Variants in ZNF483 observed in about 807,000 individuals in gnomAD.
The protein encoded by ZNF483 is zinc finger protein 483.
A neutral mutation model predicts 28.6 loss-of-function variants in ZNF483; 9 were observed. The ratio of observed to expected loss-of-function variants is 0.32; its 90% CI spans 0.19 to 0.55. The LOEUF is 0.55. Ranked by LOEUF, ZNF483 falls within the 20% of genes least tolerant of loss-of-function variation. The pLI is 0.93. For missense variants in ZNF483, 675 were observed against 871.7 expected, an observed-to-expected ratio of 0.77 and a Z score of 2.84; for synonymous variants, 322 against 306.2, an observed-to-expected ratio of 1.05 and a Z score of -0.54.
Position 111,548,531 on chromosome 9 carries a change from T to C in ZNF483, c.*5361T>C, listed in dbSNP as rs1827855827. Reference sequence around the variant, plus strand: ...TTGTGAAATTTTTGGGATTTTTAAATATAAGATTATGGCATCTGCAAATAG... The same window carrying C: ...TTGTGAAATTTTTGGGATTTTTAAACATAAGATTATGGCATCTGCAAATAG... On this transcript the variant is annotated 3_prime_UTR_variant, in exon 6 of 6. Transcript: ENST00000309235. 6.6e-6 allele frequency among the ~76,000 whole-genome samples: 1 copy of C among 152,234 alleles called. No individual in the cohort carries two copies. Among genetic ancestry groups the C allele is most frequent in the African/African-American group, 2.4e-5 (1 of 41,470 alleles).
At chr9:111,531,237 T>C (rs1368364565) in intron 3 of ZNF483, among the ~76,000 whole-genome samples, 1 of 152,118 alleles carries the variant, frequency 6.6e-6, no homozygotes, top group Non-Finnish European at 1.5e-5. Context: ...TTCAAGGAAC[T>C]GACGCCTCAT....
At chr9:111,540,518 G>A (rs1827646925) in intron 5 of ZNF483, among the ~76,000 whole-genome samples, 1 of 152,148 alleles carries the variant, frequency 6.6e-6, no homozygotes, top group South Asian at 2.1e-4. Context: ...AGGCCCTGTT[G>A]AATTTATGTT....
chr9:111,540,639 G>A (rs1252368556), intron 5 of ZNF483, among the ~76,000 whole-genome samples: 4 of 152,226 alleles, frequency 2.6e-5, no homozygotes, highest in Non-Finnish European at 5.9e-5. Flanking sequence ...ATGGATGCCT[G>A]ATTAGTGTAT....
chr9:111,537,638 T>C (rs1827550248), intron 5 of ZNF483, among the ~76,000 whole-genome samples: 1 of 152,006 alleles, frequency 6.6e-6, no homozygotes, highest in South Asian at 2.1e-4. Flanking sequence ...ATTATTATTA[T>C]TATTTTGTGA....
intron 2 of ZNF483, among the ~76,000 whole-genome samples, chr9:111,528,244 A>G (rs1827229055): frequency 6.6e-6 from 1 of 152,138 alleles, no homozygotes; most frequent in South Asian, 2.1e-4. Context: ...TGCTGATGGA[A>G]ATGTTTCTGC....
rs4979004 is a variant in ZNF483 at position 111,546,831 on chromosome 9, G to A, written c.*3661G>A. On this transcript the variant is annotated 3_prime_UTR_variant, in exon 6 of 6. Coordinates refer to ENST00000309235, the MANE Select transcript of ZNF483 (RefSeq NM_133464.5). Reference sequence around the variant, plus strand: ...ACTGAAACTCTGTACTCCTTAAACAGTAACTCCCCATTTTCTCCTCCTCAG... The same window carrying A: ...ACTGAAACTCTGTACTCCTTAAACAATAACTCCCCATTTTCTCCTCCTCAG... Among the ~76,000 whole-genome samples, 85,860 of 151,848 alleles carry A rather than the reference G, an allele frequency of 0.57. 24,993 individuals are homozygous for A. Among genetic ancestry groups the A allele is most frequent in the Non-Finnish European group, 0.65 (44,108 of 67,900 alleles).
At chr9:111,533,065 G>A (rs1165373959) in intron 3 of ZNF483, among the ~76,000 whole-genome samples, 1 of 152,194 alleles carries the variant, frequency 6.6e-6, no homozygotes, top group African/African-American at 2.4e-5. Context: ...GTTAAAATTT[G>A]GAATGTAGTT....
At chr9:111,539,389 G>A (rs1827610214) in intron 5 of ZNF483, 2 of 455,510 alleles carry the variant, frequency 4.4e-6, no homozygotes, top group South Asian at 1.6e-5. Flanking sequence ...ATTTAAAGCA[G>A]TATAACCTTT....
intron 2 of ZNF483, among the ~76,000 whole-genome samples, chr9:111,528,717 C>G (rs578167902): frequency 6.6e-6 from 1 of 152,154 alleles, no homozygotes; most frequent in Non-Finnish European, 1.5e-5. Context: ...GTATTTACCT[C>G]CATACACTTA....
chr9:111,532,922 GA>G (rs1224424862), intron 3 of ZNF483, among the ~76,000 whole-genome samples: 2 of 150,370 alleles, frequency 1.3e-5, no homozygotes, highest in Non-Finnish European at 3.0e-5. Flanking sequence ...AAAAAAAAAA[GA>G]AAAAAAAGGA....
In ZNF483 at chr9:111,554,873, G is replaced by T. The variant is rs1333495815; in HGVS notation, c.*11703G>T. 6.6e-6 allele frequency among the ~76,000 whole-genome samples: 1 copy of T among 152,190 alleles called. No homozygotes were observed. Among genetic ancestry groups the T allele is most frequent in the Non-Finnish European group, 1.5e-5 (1 of 68,026 alleles). On this transcript the variant is annotated 3_prime_UTR_variant, in exon 6 of 6. Coordinates refer to ENST00000309235, the MANE Select transcript of ZNF483 (RefSeq NM_133464.5). ...TCTAATCTGCTCAGGGTCTACAACT[G>T]AAGTCCAGGGTCTTTGAGTTAGATG... is the stretch of plus-strand genomic sequence containing the variant.
At chr9:111,559,670 C>A (rs1358996718), downstream of ZNF483, among the ~76,000 whole-genome samples, 1 of 151,932 alleles carries the variant, frequency 6.6e-6, no homozygotes, top group Non-Finnish European at 1.5e-5. Flanking sequence ...CAGCTCTGGG[C>A]TTTGACTCCC....
At position 111,544,025 on chromosome 9, in the gene ZNF483, A is replaced by G; in HGVS notation, c.*855A>G. 4.1e-6 allele frequency: 4 copies of G among 985,412 alleles called. No individual in the cohort carries two copies. The highest frequency in any genetic ancestry group is 4.8e-6 in the Non-Finnish European group (4 of 829,932). The allele number at this position is 985,412 out of a possible 1,614,324, so 61.0% of individuals were successfully genotyped here. On this transcript the variant is annotated 3_prime_UTR_variant, in exon 6 of 6. Transcript: ENST00000309235. ...AACTAGGAATGGGTCAGTGAAGTTCAAACGACTTTTCCTTGAGGGAGTATT... is the reference window on the plus strand; with the variant it reads ...AACTAGGAATGGGTCAGTGAAGTTCGAACGACTTTTCCTTGAGGGAGTATT...
chr9:111,529,552 A>C (rs1005805393), intron 2 of ZNF483, among the ~76,000 whole-genome samples: 3 of 152,058 alleles, frequency 2.0e-5, no homozygotes, highest in African/African-American at 4.8e-5. Context: ...GGTTTGAGCA[A>C]CTCTTGAGCA....
At chr9:111,563,356 C>A in intron 5 of ZNF483, 1 of 966,664 alleles carries the variant, frequency 1.0e-6, no homozygotes. Flanking sequence ...GATGGAAGTC[C>A]TGTCCTCCAT....
intron 5 of ZNF483, among the ~76,000 whole-genome samples, chr9:111,540,896 C>A (rs189859262): frequency 1.3e-5 from 2 of 152,266 alleles, no homozygotes; most frequent in Admixed American, 1.3e-4. Flanking sequence ...CCAGTTGTCA[C>A]ATCCATAAAA....
chr9:111,532,318 G>A (rs754357099), intron 3 of ZNF483, among the ~76,000 whole-genome samples: 16 of 152,078 alleles, frequency 1.1e-4, no homozygotes, highest in Non-Finnish European at 1.9e-4. Context: ...GTAACAAAGT[G>A]AGACCCAGTC....
chr9:111,534,703 A>G (rs559288766), intron 5 of ZNF483, among the ~76,000 whole-genome samples: 9 of 150,450 alleles, frequency 6.0e-5, no homozygotes, highest in Admixed American at 2.7e-4. Flanking sequence ...GTCTTAGACT[A>G]AAGTGTCGTT....
chr9:111,525,242 T>C lies in ZNF483; in HGVS notation c.-149T>C, dbSNP rs1827156535. The stretch of plus-strand genomic sequence containing the variant: ...AAGCTCTTTGCGGTGGCGTTGGTGC[T>C]GTTTGCGGATGCTGATGCAGGTACT... On this transcript the variant is annotated 5_prime_UTR_variant, in exon 1 of 6. Coordinates refer to ENST00000309235, the MANE Select transcript of ZNF483 (RefSeq NM_133464.5). 1 of 152,208 alleles carries C rather than the reference T, an allele frequency of 6.6e-6. No homozygotes were observed. The highest frequency in any genetic ancestry group is 2.1e-4 in the South Asian group (1 of 4,840). 9.4% of individuals were successfully genotyped at this position (152,208 alleles called of 1,614,324 possible). A position where few individuals can be genotyped will look rare whatever the true frequency, so the allele number is the denominator to read the frequency against.
Sources: allele counts gnomAD v4.1 joint callset (sites outside exome capture counted in the v4.1 genomes callset), GRCh38; gene constraint gnomAD v4.1.1; transcripts MANE v1.5; gene names NCBI Gene and HGNC (gene_info 2026-07-23, HGNC 2026-07-21).